Variants in CPLX1 observed in about 807,000 individuals in gnomAD.
CPLX1 encodes complexin 1.
CPLX1 carries 6 observed loss-of-function variants against 15.6 expected under a neutral mutation model. That is an observed-to-expected ratio of 0.39 (90% CI 0.21 to 0.76). The LOEUF (loss-of-function observed/expected upper bound fraction) is 0.76, where lower values mean the gene tolerates loss of function less well. CPLX1 is among the 30% of genes least tolerant of loss of function. The pLI is 0.43. For missense variants in CPLX1, 242 were observed against 188.6 expected, an observed-to-expected ratio of 1.28 and a Z score of -1.66; for synonymous variants, 91 against 75.2, an observed-to-expected ratio of 1.21 and a Z score of -1.08.
intron 2 of CPLX1, among the ~76,000 whole-genome samples, 156 bp downstream of exon 2, chr4:824,336 G>T (rs190400990): frequency 6.4e-4 from 97 of 152,350 alleles, no homozygotes; most frequent in East Asian, 1.9e-4. Context: ...TGCTGGGCAC[G>T]GTCCTTGCTC....
intron 2 of CPLX1, among the ~76,000 whole-genome samples, chr4:796,094 G>A (rs1221943132): frequency 6.6e-6 from 1 of 152,202 alleles, no homozygotes; most frequent in Non-Finnish European, 1.5e-5. Context: ...CCTGCCCAGG[G>A]TTCCCTTACA....
At chr4:813,103 A>G (rs187495019) in intron 2 of CPLX1, among the ~76,000 whole-genome samples, 40 of 150,802 alleles carry the variant, frequency 2.7e-4, no homozygotes, top group African/African-American at 9.2e-4. Flanking sequence ...CGTCTCTACT[A>G]AAAATGCAAA....
chr4:786,774 T>C (rs993162244), intron 3 of CPLX1, 76 bp from the exon 4 acceptor site: 1 of 1,505,264 alleles, frequency 6.6e-7, no homozygotes, highest in Admixed American at 2.2e-5. Flanking sequence ...CGCCAGGGAC[T>C]GGCCCAGGAA....
intron 2 of CPLX1, among the ~76,000 whole-genome samples, chr4:794,843 TCCCTC>T (rs1179339511): frequency 6.6e-6 from 1 of 152,068 alleles, no homozygotes; most frequent in Non-Finnish European, 1.5e-5. Flanking sequence ...GGCTGCCCCT[TCCCTC>T]CCCTCCAGCT....
chr4:787,320 C>A, intron 3 of CPLX1: 1 of 985,438 alleles, frequency 1.0e-6, no homozygotes, highest in African/African-American at 1.7e-5. Flanking sequence ...TATGCCTGGG[C>A]CTCACCGACC....
intron 3 of CPLX1, 162 bp from the exon 4 acceptor site, chr4:786,860 G>GA (rs1746009953): frequency 1.1e-5 from 10 of 923,000 alleles, no homozygotes; most frequent in Non-Finnish European, 1.1e-5. Flanking sequence ...ACCCCACCCC[G>GA]GGGGGTCCCT....
intron 2 of CPLX1, 52 bp from the exon 3 acceptor site, chr4:792,660 G>A (rs2152643199): frequency 1.3e-6 from 2 of 1,554,596 alleles, no homozygotes; most frequent in East Asian, 4.8e-5. Context: ...TCCAGGGCCG[G>A]GCTAGTGTCT....
intron 2 of CPLX1, among the ~76,000 whole-genome samples, chr4:809,306 T>C (rs971435909): frequency 2.6e-5 from 4 of 151,984 alleles, no homozygotes; most frequent in Admixed American, 1.3e-4. Context: ...AGGGCAGGAG[T>C]GCACGGGGTG....
chr4:791,083 A>C (rs1210524330), intron 3 of CPLX1, among the ~76,000 whole-genome samples: 2 of 149,316 alleles, frequency 1.3e-5, no homozygotes, highest in African/African-American at 5.0e-5. Flanking sequence ...TGATACCCAC[A>C]GTCTCCCGAG....
chr4:813,875 G>C (rs927592385), intron 2 of CPLX1, among the ~76,000 whole-genome samples: 5 of 152,222 alleles, frequency 3.3e-5, no homozygotes, highest in East Asian at 1.9e-4. Context: ...CACACACACA[G>C]AAGACTTCCA....
intron 2 of CPLX1, among the ~76,000 whole-genome samples, chr4:805,895 G>A (rs976574560): frequency 3.3e-5 from 5 of 152,172 alleles, no homozygotes; most frequent in Admixed American, 2.0e-4. Flanking sequence ...GAGGTCCCTA[G>A]AGTAGCCAAA....
intron 2 of CPLX1, among the ~76,000 whole-genome samples, chr4:820,142 T>A: frequency 6.6e-6 from 1 of 150,782 alleles, no homozygotes; most frequent in South Asian, 2.1e-4. Flanking sequence ...AGCCTGCAGC[T>A]CCACCGTCCT....
chr4:801,080 C>T (rs1478986545), intron 2 of CPLX1, among the ~76,000 whole-genome samples: 5 of 150,826 alleles, frequency 3.3e-5, no homozygotes, highest in Non-Finnish European at 7.4e-5. Flanking sequence ...TTTGGGAAGT[C>T]GAGGCGGGCA....
At chr4:794,489 C>G (rs1431828913) in intron 2 of CPLX1, among the ~76,000 whole-genome samples, 1 of 152,168 alleles carries the variant, frequency 6.6e-6, no homozygotes. Flanking sequence ...GATTTTAGGC[C>G]CATGACTCAA....
chr4:800,824 T>C (rs1257066552), intron 2 of CPLX1, among the ~76,000 whole-genome samples: 1 of 148,508 alleles, frequency 6.7e-6, no homozygotes, highest in Non-Finnish European at 1.5e-5. Context: ...TATATAAATA[T>C]ATGTGTGTGT....
intron 2 of CPLX1, among the ~76,000 whole-genome samples, chr4:811,421 C>T (rs1050937687): frequency 5.3e-5 from 8 of 152,140 alleles, no homozygotes; most frequent in African/African-American, 1.9e-4. Flanking sequence ...GTTGGGATTA[C>T]AGACATGAGC....
chr4:795,126 G>GC lies in CPLX1; in HGVS notation c.32-2519dup, dbSNP rs552156765. On this transcript the variant is annotated intron_variant, in intron 2 of 3. Transcript: ENST00000304062. Reference sequence around the variant, plus strand: ...GGGGAGCGTCACAGATGCCGCCCACGCCCCCCCGCTTTTCGGCCCGGGTAC... The same window carrying GC: ...GGGGAGCGTCACAGATGCCGCCCACGCCCCCCCCGCTTTTCGGCCCGGGTAC... 4.8e-3 allele frequency among the ~76,000 whole-genome samples: 725 copies of GC among 152,264 alleles called. 2 individuals carry two copies. Among genetic ancestry groups the GC allele is most frequent in the Non-Finnish European group, 7.6e-3 (516 of 68,006 alleles).
intron 2 of CPLX1, among the ~76,000 whole-genome samples, chr4:793,708 T>C (rs1343484311): frequency 1.3e-5 from 2 of 152,162 alleles, no homozygotes; most frequent in East Asian, 1.9e-4. Context: ...ACGTTGCCCC[T>C]GCAAATGCCG....
In CPLX1 at chr4:786,237, G is replaced by A; in HGVS notation, c.*264C>T. 1 of 310,888 alleles carries A rather than the reference G, an allele frequency of 3.2e-6. No individual in the cohort carries two copies. Among genetic ancestry groups the A allele is most frequent in the Non-Finnish European group, 5.9e-6 (1 of 170,234 alleles). The allele number at this position is 310,888 out of a possible 1,614,324, so 19.3% of individuals were successfully genotyped here. A position where few individuals can be genotyped will look rare whatever the true frequency, so the allele number is the denominator to read the frequency against. On this transcript the variant is annotated 3_prime_UTR_variant, in exon 4 of 4. Coordinates refer to ENST00000304062, the MANE Select transcript of CPLX1 (RefSeq NM_006651.4). ...CCCTGGCCTCGGGCGCTGCTGGGTG[G>A]GCGGTAAACAGCAAGAGAAAGGGGC...
Sources: allele counts gnomAD v4.1 joint callset (sites outside exome capture counted in the v4.1 genomes callset), GRCh38; gene constraint gnomAD v4.1.1; transcripts MANE v1.5; gene names NCBI Gene and HGNC (gene_info 2026-07-23, HGNC 2026-07-21).